KIF5C: variants seen among roughly 807,000 people sequenced by gnomAD.
KIF5C encodes the protein kinesin heavy chain isoform 5C.
KIF5C carries 18 observed loss-of-function variants against 125.2 expected under a neutral mutation model. The observed-to-expected ratio is 0.14, with a 90% CI of 0.10 to 0.21. The LOEUF (loss-of-function observed/expected upper bound fraction) is 0.21. Among genes scored for constraint, KIF5C ranks in the 10% least tolerant of loss-of-function variants. The probability of loss-of-function intolerance (pLI) is 1.00; values close to 1 mark genes in which losing one functional copy is unlikely to be tolerated. For missense variants in KIF5C, 780 were observed against 1,183.8 expected (o/e 0.66, Z 5.01); for synonymous variants, 405 against 434.0 (o/e 0.93, Z 0.83).
chr2:148,907,322 A>T (rs1681151912), intron 1 of KIF5C, among the ~76,000 whole-genome samples: 1 of 152,168 alleles, frequency 6.6e-6, no homozygotes, highest in Non-Finnish European at 1.5e-5. Flanking sequence ...CCTGTGAAGG[A>T]CAGCCTGCAG....
At chr2:149,012,485 A>G (rs1682237393) in intron 25 of KIF5C, among the ~76,000 whole-genome samples, 2 of 152,236 alleles carry the variant, frequency 1.3e-5, no homozygotes, top group African/African-American at 4.8e-5. Flanking sequence ...CTGGCTCCCA[A>G]GGCAGGCAAG....
At chr2:148,939,662 T>A (rs1161229443) in intron 4 of KIF5C, among the ~76,000 whole-genome samples, 1 of 152,264 alleles carries the variant, frequency 6.6e-6, no homozygotes, top group African/African-American at 2.4e-5. Flanking sequence ...TTTGTACTTA[T>A]GCTTACTTGT....
intron 1 of KIF5C, among the ~76,000 whole-genome samples, chr2:148,903,124 G>A (rs1239292864): frequency 1.3e-5 from 2 of 152,100 alleles, no homozygotes; most frequent in Non-Finnish European, 2.9e-5. Flanking sequence ...CTCGGTCTAG[G>A]TATTTGCCAA....
At chr2:149,012,702 G>A (rs1250206359) in intron 25 of KIF5C, among the ~76,000 whole-genome samples, 1 of 152,276 alleles carries the variant, frequency 6.6e-6, no homozygotes, top group Admixed American at 6.5e-5. Flanking sequence ...CAGGCCAGGG[G>A]CTGGTCAGAG....
chr2:148,998,623 C>G, intron 19 of KIF5C, 114 bp downstream of exon 19: 3 of 1,476,828 alleles, frequency 2.0e-6, no homozygotes, highest in Non-Finnish European at 2.7e-6. Context: ...GCCCTGTGGG[C>G]ACTGCCCTGG....
rs191092942 is a variant in KIF5C at position 148,902,012 on chromosome 2, C to T, written c.127-20125C>T. ...AGGATTGGTTACTTCTTGCCCCTCC[C>T]GAGGGTGGACTGTGCACAGAAGAGA... On this transcript the variant is annotated intron_variant, in intron 1 of 25. Transcript: ENST00000435030. Among the ~76,000 whole-genome samples, 317 of 152,284 alleles carry T rather than the reference C, an allele frequency of 2.1e-3. 1 individual carries two copies. Among genetic ancestry groups the T allele is most frequent in the South Asian group, 0.013 (61 of 4,828 alleles).
chr2:149,013,365 C>T (rs1263859572), intron 25 of KIF5C, among the ~76,000 whole-genome samples: 3 of 152,164 alleles, frequency 2.0e-5, no homozygotes, highest in Non-Finnish European at 4.4e-5. Flanking sequence ...CAAAAGCAGC[C>T]GTCCTGAATG....
Position 148,931,157 on chromosome 2 carries a change from C to T in KIF5C, c.291+1803C>T, listed in dbSNP as rs1384497903. Among the ~76,000 whole-genome samples the T allele has an allele frequency of 3.3e-5, 5 of 152,192 alleles. No homozygotes were observed. In the East Asian group the frequency reaches 9.6e-4, roughly 29 times the overall value. On this transcript the variant is annotated intron_variant, in intron 3 of 25. Coordinates refer to ENST00000435030, the MANE Select transcript of KIF5C (RefSeq NM_004522.3). ...AACTATATATAATGCCAAACAACAA[C>T]AACAACAACAACAAAAACAAAAGCA...
At chr2:149,008,649 G>C (rs1682084596) in intron 23 of KIF5C, among the ~76,000 whole-genome samples, 1 of 152,198 alleles carries the variant, frequency 6.6e-6, no homozygotes, top group Non-Finnish European at 1.5e-5. Flanking sequence ...AAACTCACCA[G>C]TGATTTCAGC....
Position 148,997,329 on chromosome 2 carries a change from G to A in KIF5C, c.2089G>A (p.Glu697Lys). 1 of 1,613,984 alleles carries A rather than the reference G, an allele frequency of 6.2e-7. No individual in the cohort carries two copies. The highest frequency in any genetic ancestry group is 8.5e-7 in the Non-Finnish European group (1 of 1,179,874). ...ACATCTGACGCGGTTGCAGGATGCT[G>A]AAGAAATGAAGGTGTGTGTGGCTGC... ...KEHLTRLQDAEEMKKALEQQM... is the reference protein window; with the variant it reads ...KEHLTRLQDAKEMKKALEQQM... The change falls in exon 18 of 26, where the codon GAA becomes AAA. Residue 697 changes from glutamate to lysine, a missense_variant. Physicochemically the swap from Glu to Lys is moderately conservative, Grantham distance 56. Around this residue, in one of 2 missense-constraint regions of KIF5C, gnomAD observed 573 missense variants for 742.6 expected, o/e 0.77. Coordinates refer to ENST00000435030, the MANE Select transcript of KIF5C (RefSeq NM_004522.3).
At chr2:148,926,649 C>G (rs1162818152) in intron 2 of KIF5C, among the ~76,000 whole-genome samples, 1 of 152,190 alleles carries the variant, frequency 6.6e-6, no homozygotes, top group Non-Finnish European at 1.5e-5. Flanking sequence ...TGCTCCACTT[C>G]CTCTCTCTGC....
intron 10 of KIF5C, among the ~76,000 whole-genome samples, chr2:148,953,328 T>G (rs1309475598): frequency 1.3e-5 from 2 of 152,202 alleles, no homozygotes; most frequent in Non-Finnish European, 2.9e-5. Flanking sequence ...TTTGGTTGGG[T>G]TTGGATCTGG....
chr2:149,023,854 A>G lies in KIF5C; in HGVS notation c.*784A>G, dbSNP rs1265425287. 1.3e-5 allele frequency: 2 copies of G among 152,208 alleles called. No individual in the cohort carries two copies. Among genetic ancestry groups the G allele is most frequent in the African/African-American group, 2.4e-5 (1 of 41,450 alleles). 9.4% of individuals were successfully genotyped at this position (152,208 alleles called of 1,614,324 possible). On this transcript the variant is annotated 3_prime_UTR_variant, in exon 26 of 26. Coordinates refer to ENST00000435030, the MANE Select transcript of KIF5C (RefSeq NM_004522.3). ...CTTTCAGAAGTGCTGAAAATGCTGC[A>G]AAGTTGGATAAGTGGAAATGTGGCT...
intron 2 of KIF5C, among the ~76,000 whole-genome samples, chr2:148,927,517 G>A (rs1042639167): frequency 2.0e-5 from 3 of 150,230 alleles, no homozygotes; most frequent in African/African-American, 4.9e-5. Context: ...TGTGTATAGG[G>A]GGGATGGTTA....
At chr2:148,903,390 TGAAA>T (rs939122521) in intron 1 of KIF5C, among the ~76,000 whole-genome samples, 6 of 152,184 alleles carry the variant, frequency 3.9e-5, no homozygotes, top group Non-Finnish European at 8.8e-5. Context: ...TCTCCCTCCT[TGAAA>T]GAACCTCAGC....
At chr2:148,974,511 C>T (rs1362329344) in intron 12 of KIF5C, among the ~76,000 whole-genome samples, 1 of 152,188 alleles carries the variant, frequency 6.6e-6, no homozygotes, top group African/African-American at 2.4e-5. Context: ...TGCACTATAA[C>T]CAAAGCTTTA....
At chr2:148,900,558 T>A (rs1680855403) in intron 1 of KIF5C, among the ~76,000 whole-genome samples, 1 of 152,228 alleles carries the variant, frequency 6.6e-6, no homozygotes, top group South Asian at 2.1e-4. Context: ...CTCGTTTGCC[T>A]CTTTACAAGC....
intron 22 of KIF5C, among the ~76,000 whole-genome samples, chr2:149,007,076 C>T (rs909209748): frequency 6.6e-5 from 10 of 152,150 alleles, no homozygotes; most frequent in African/African-American, 2.2e-4. Flanking sequence ...TATGCAAATT[C>T]TCATACCCCA....
chr2:148,942,635 A>C (rs768795094), intron 6 of KIF5C, 38 bp from the exon 7 acceptor site: 7 of 1,584,008 alleles, frequency 4.4e-6, no homozygotes, highest in South Asian at 3.5e-5. Context: ...TTGCTTTTCA[A>C]CTCTTTCAGT....
Sources: gnomAD v4.1 joint callset for allele counts (sites outside exome capture counted in the v4.1 genomes callset) on GRCh38, gnomAD v4.1.1 for gene constraint, gnomAD v4.1.1 regional missense constraint, MANE v1.5 for transcripts, NCBI Gene and HGNC (gene_info 2026-07-23, HGNC 2026-07-21) for gene names.